The following NF1 variants were observed in gnomAD, a reference collection of about 807,000 sequenced individuals.
NF1 encodes neurofibromin 1, also known as neurofibromin.
NF1 carries 122 observed loss-of-function variants against 325.7 expected under a neutral mutation model. The observed-to-expected ratio is 0.37, with a 90% CI of 0.32 to 0.44. The LOEUF is 0.44. Among genes scored for constraint, NF1 ranks in the 20% least tolerant of loss-of-function variants. NF1 has a pLI of 1.00. For synonymous variants in NF1, 1,091 were observed against 1,186.0 expected, an observed-to-expected ratio of 0.92 and a Z score of 1.65; for missense variants, 2,140 against 3,415.4, an observed-to-expected ratio of 0.63 and a Z score of 9.31.
chr17:31,113,568 T>G (rs1913618000), intron 1 of NF1, among the ~76,000 whole-genome samples: 2 of 152,174 alleles, frequency 1.3e-5, no homozygotes, highest in African/African-American at 2.4e-5. Context: ...CTTGCTCTGT[T>G]GCACAGGCTA....
chr17:31,223,725 C>T (rs148017648), intron 16 of NF1, among the ~76,000 whole-genome samples, 158 bp downstream of exon 16: 140 of 152,174 alleles, frequency 9.2e-4, no homozygotes, highest in African/African-American at 3.2e-3. Flanking sequence ...CAATGACTGG[C>T]AAATCAGCAT....
At chr17:31,185,412 T>C (rs946561246) in intron 8 of NF1, among the ~76,000 whole-genome samples, 1 of 152,178 alleles carries the variant, frequency 6.6e-6, no homozygotes, top group Non-Finnish European at 1.5e-5. Flanking sequence ...TTATGCTGAT[T>C]GGATTCTGTG....
At position 31,115,069 on chromosome 17, in the gene NF1, A is replaced by G. The variant is rs141054425; in HGVS notation, c.60+19700A>G. Among the ~76,000 whole-genome samples, 441 of 152,292 alleles carry G rather than the reference A, an allele frequency of 2.9e-3. 3 individuals are homozygous for G. The highest frequency in any genetic ancestry group is 0.01 in the African/African-American group (426 of 41,562). ...TAATAGGACTGAATTACATCAGCTA[A>G]TAGAATAACCCCCTTCTTTGACTGT... On this transcript the variant is annotated intron_variant, in intron 1 of 57. Coordinates refer to ENST00000358273, the MANE Select transcript of NF1 (RefSeq NM_001042492.3).
At chr17:31,362,869 C>G (rs1480623995) in intron 57 of NF1, among the ~76,000 whole-genome samples, 1 of 152,200 alleles carries the variant, frequency 6.6e-6, no homozygotes, top group African/African-American at 2.4e-5. Flanking sequence ...GGTTTCTCTG[C>G]TATTTGATTA....
At chr17:31,123,136 C>T (rs1464646031) in intron 1 of NF1, among the ~76,000 whole-genome samples, 1 of 152,124 alleles carries the variant, frequency 6.6e-6, no homozygotes, top group Non-Finnish European at 1.5e-5. Context: ...ATGAAGCCTA[C>T]ATGGGAATCT....
chr17:31,174,347 T>C (rs989492994), intron 5 of NF1, among the ~76,000 whole-genome samples: 2 of 152,204 alleles, frequency 1.3e-5, no homozygotes, highest in African/African-American at 2.4e-5. Flanking sequence ...GAAGGCACTT[T>C]CGTATGCTGC....
intron 29 of NF1, among the ~76,000 whole-genome samples, chr17:31,247,942 C>T (rs1178365177): frequency 6.6e-6 from 1 of 152,160 alleles, no homozygotes; most frequent in Non-Finnish European, 1.5e-5. Context: ...GTGGCTTATG[C>T]CTGTAATCCC....
chr17:31,274,061 C>A (rs970271305), intron 36 of NF1, among the ~76,000 whole-genome samples: 40 of 152,046 alleles, frequency 2.6e-4, no homozygotes, highest in Middle Eastern at 3.2e-3. Flanking sequence ...TTCAGTAATA[C>A]AACATTTCAG....
At chr17:31,337,252 T>C (rs2069700055) in intron 42 of NF1, 116 bp from the exon 43 acceptor site, 6 of 853,752 alleles carry the variant, frequency 7.0e-6, no homozygotes, top group Non-Finnish European at 1.1e-5. Context: ...TTAGGGAACA[T>C]GATTATGTAA....
chr17:31,351,024 A>G (rs1260322148), intron 50 of NF1, among the ~76,000 whole-genome samples: 1 of 152,138 alleles, frequency 6.6e-6, no homozygotes, highest in East Asian at 1.9e-4. Flanking sequence ...GATTCTAACA[A>G]TGTACGCAAA....
At chr17:31,349,345 C>A (rs997989417) in intron 49 of NF1, 94 bp downstream of exon 49, 2 of 1,280,782 alleles carry the variant, frequency 1.6e-6, no homozygotes, top group Non-Finnish European at 2.2e-6. Flanking sequence ...TTGGCGGTTG[C>A]GTGGCAGAGC....
chr17:31,115,191 G>A (rs989081881), intron 1 of NF1, among the ~76,000 whole-genome samples: 4 of 152,118 alleles, frequency 2.6e-5, no homozygotes, highest in Non-Finnish European at 5.9e-5. Flanking sequence ...TCGTGGGGGT[G>A]GGGGAATGCT....
At chr17:31,264,345 A>G (rs540835730) in intron 35 of NF1, among the ~76,000 whole-genome samples, 1 of 151,872 alleles carries the variant, frequency 6.6e-6, no homozygotes, top group Non-Finnish European at 1.5e-5. Flanking sequence ...CGGGAGGCAG[A>G]GGTTGCAGTG....
In NF1 at chr17:31,296,551, C is replaced by G. The variant is rs543855668; in HGVS notation, c.4836-29269C>G. 5.3e-5 allele frequency: 30 copies of G among 560,932 alleles called. No individual in the cohort carries two copies. In the African/African-American group the frequency reaches 5.4e-4, roughly 10 times the overall value. The allele number at this position is 560,932 out of a possible 1,614,324, so 34.7% of individuals were successfully genotyped here. On this transcript the variant is annotated intron_variant, in intron 36 of 57. Coordinates refer to ENST00000358273, the MANE Select transcript of NF1 (RefSeq NM_001042492.3). ...GCTATGTGGTAGAGAGAGACTCTCT[C>G]CCTACTCTCTCCTGCATTTTCTCCT...
intron 1 of NF1, among the ~76,000 whole-genome samples, chr17:31,103,754 G>C (rs1389751687): frequency 6.6e-6 from 1 of 151,896 alleles, no homozygotes; most frequent in Non-Finnish European, 1.5e-5. Context: ...AGGATCACTT[G>C]GGCCTCAGAG....
At chr17:31,223,396 A>G (rs1239085717) in intron 15 of NF1, 48 bp from the exon 16 acceptor site, 5 of 1,603,170 alleles carry the variant, frequency 3.1e-6, no homozygotes, top group South Asian at 1.1e-5. Flanking sequence ...TTATATCTGC[A>G]TTAGGTTATT....
chr17:31,302,247 C>G (rs1380601529), intron 36 of NF1, among the ~76,000 whole-genome samples: 5 of 152,142 alleles, frequency 3.3e-5, no homozygotes, highest in Non-Finnish European at 5.9e-5. Flanking sequence ...TTAAAGATAT[C>G]AGACAACACT....
intron 1 of NF1, among the ~76,000 whole-genome samples, chr17:31,131,917 T>C (rs1180188984): frequency 2.0e-5 from 3 of 152,100 alleles, no homozygotes; most frequent in Non-Finnish European, 4.4e-5. Flanking sequence ...CATGTTTTTT[T>C]TTCTGTTTGT....
At chr17:31,330,817 C>T (rs576473334) in intron 39 of NF1, 6 of 257,422 alleles carry the variant, frequency 2.3e-5, no homozygotes, top group Non-Finnish European at 3.0e-5. Flanking sequence ...CTCTTCATAG[C>T]AGAAAAGTCC....
Sources: allele counts gnomAD v4.1 joint callset (sites outside exome capture counted in the v4.1 genomes callset), GRCh38; gene constraint gnomAD v4.1.1; transcripts MANE v1.5; gene names NCBI Gene and HGNC (gene_info 2026-07-23, HGNC 2026-07-21).